TMEFF2: variants seen among roughly 807,000 people sequenced by gnomAD.
TMEFF2 encodes the protein transmembrane protein with EGF like and two follistatin like domains 2, also known as tomoregulin-2.
Under a neutral mutation model 53.8 loss-of-function variants are expected in TMEFF2, and 28 were observed. That is an observed-to-expected ratio of 0.52 (90% confidence interval 0.39 to 0.71). TMEFF2 has a LOEUF of 0.71. Ranked by LOEUF, TMEFF2 falls within the 30% of genes least tolerant of loss-of-function variation. The pLI is 0.00. For missense variants in TMEFF2, 353 were observed against 455.2 expected, an observed-to-expected ratio of 0.78 and a Z score of 2.04; for synonymous variants, 162 against 166.3, an observed-to-expected ratio of 0.97 and a Z score of 0.20.
At chr2:192,136,569 G>T (rs1690012467) in intron 4 of TMEFF2, among the ~76,000 whole-genome samples, 1 of 152,122 alleles carries the variant, frequency 6.6e-6, no homozygotes, top group African/African-American at 2.4e-5. Context: ...CCAAGAGGAG[G>T]AAAGAAATAT....
chr2:192,027,671 G>A (rs1687005542), intron 5 of TMEFF2, among the ~76,000 whole-genome samples: 1 of 152,180 alleles, frequency 6.6e-6, no homozygotes, highest in South Asian at 2.1e-4. Context: ...TGGCTTTACA[G>A]GCATGTGGCC....
rs558830166 is a variant in TMEFF2 at position 191,950,166 on chromosome 2, T to G, written c.*145A>C. 10 of 1,451,790 alleles carry G rather than the reference T, an allele frequency of 6.9e-6. No homozygotes were observed. The African/African-American group carries it at 1.4e-4, about 21-fold the overall frequency. 89.9% of individuals were successfully genotyped at this position (1,451,790 alleles called of 1,614,324 possible). ...AAATATATCCATACATAATCAAATATAGCTGTAGTACATGTTTTCATTGGT... is the reference window on the plus strand; with the variant it reads ...AAATATATCCATACATAATCAAATAGAGCTGTAGTACATGTTTTCATTGGT... On this transcript the variant is annotated 3_prime_UTR_variant, in exon 10 of 10. Coordinates refer to ENST00000272771, the MANE Select transcript of TMEFF2 (RefSeq NM_016192.4).
At chr2:191,982,746 G>A (rs151184984) in intron 7 of TMEFF2, among the ~76,000 whole-genome samples, 98 of 152,068 alleles carry the variant, frequency 6.4e-4, no homozygotes, top group African/African-American at 2.2e-3. Context: ...TTTAAATTTT[G>A]AATGTAATAT....
chr2:191,964,924 A>G (rs1692426904), intron 7 of TMEFF2, among the ~76,000 whole-genome samples: 1 of 152,036 alleles, frequency 6.6e-6, no homozygotes, highest in African/African-American at 2.4e-5. Flanking sequence ...CCATGATACC[A>G]CCCAGTTCTT....
At chr2:192,102,045 G>A (rs2105945391) in intron 4 of TMEFF2, among the ~76,000 whole-genome samples, 1 of 152,208 alleles carries the variant, frequency 6.6e-6, no homozygotes, top group South Asian at 2.1e-4. Context: ...CCATAGATGT[G>A]ATTTAACTTA....
At chr2:192,134,187 C>T (rs1393141865) in intron 4 of TMEFF2, among the ~76,000 whole-genome samples, 1 of 152,238 alleles carries the variant, frequency 6.6e-6, no homozygotes, top group Non-Finnish European at 1.5e-5. Context: ...CATATACTTT[C>T]TGCTCCCTGG....
intron 4 of TMEFF2, among the ~76,000 whole-genome samples, chr2:192,151,780 T>G (rs1690394674): frequency 6.6e-6 from 1 of 151,888 alleles, no homozygotes; most frequent in African/African-American, 2.4e-5. Flanking sequence ...GGAGTTTTAG[T>G]GATGAGATGT....
intron 4 of TMEFF2, among the ~76,000 whole-genome samples, chr2:192,092,005 C>T (rs923884482): frequency 6.6e-6 from 1 of 150,930 alleles, no homozygotes; most frequent in Non-Finnish European, 1.5e-5. Flanking sequence ...CTTTCTTCAT[C>T]AGAAACTTAA....
chr2:192,061,148 A>T (rs970914213), intron 4 of TMEFF2, among the ~76,000 whole-genome samples: 1 of 152,144 alleles, frequency 6.6e-6, no homozygotes, highest in East Asian at 1.9e-4. Flanking sequence ...TCTCACTATC[A>T]TGCTTCCTGT....
At chr2:192,058,481 T>G (rs1687965580) in intron 4 of TMEFF2, among the ~76,000 whole-genome samples, 1 of 152,280 alleles carries the variant, frequency 6.6e-6, no homozygotes, top group South Asian at 2.1e-4. Context: ...TGATTGATAT[T>G]GGTCCTTTTT....
At chr2:192,164,168 T>C (rs1183170682) in intron 4 of TMEFF2, among the ~76,000 whole-genome samples, 4 of 152,146 alleles carry the variant, frequency 2.6e-5, no homozygotes, top group African/African-American at 9.6e-5. Flanking sequence ...AATGAATAAA[T>C]TCCAAATTCC....
At chr2:192,122,134 A>G (rs757028349) in intron 4 of TMEFF2, among the ~76,000 whole-genome samples, 2 of 152,228 alleles carry the variant, frequency 1.3e-5, no homozygotes, top group African/African-American at 2.4e-5. Flanking sequence ...CTTTATAAAC[A>G]TATCAAGGTG....
intron 5 of TMEFF2, among the ~76,000 whole-genome samples, chr2:192,024,875 G>C (rs1574299341): frequency 1.3e-5 from 2 of 152,196 alleles, no homozygotes; most frequent in South Asian, 4.1e-4. Flanking sequence ...TCTTTATGCA[G>C]CAGAGTTTTC....
chr2:192,156,194 A>G (rs1218033959), intron 4 of TMEFF2, among the ~76,000 whole-genome samples: 1 of 152,060 alleles, frequency 6.6e-6, no homozygotes, highest in Admixed American at 6.6e-5. Context: ...TTTTTATTTT[A>G]TCCATTAATT....
intron 4 of TMEFF2, among the ~76,000 whole-genome samples, chr2:192,079,744 G>T (rs1688510707): frequency 6.6e-6 from 1 of 152,018 alleles, no homozygotes; most frequent in Non-Finnish European, 1.5e-5. Context: ...TTTGCTTACT[G>T]GCTTTTTAAG....
intron 4 of TMEFF2, among the ~76,000 whole-genome samples, chr2:192,169,459 T>C (rs1421895438): frequency 1.3e-5 from 2 of 152,142 alleles, no homozygotes; most frequent in Admixed American, 1.3e-4. Flanking sequence ...AGCCAGGAAC[T>C]GAACCAGTTC....
chr2:192,087,171 CT>C (rs1451617396), intron 4 of TMEFF2, among the ~76,000 whole-genome samples: 7 of 151,906 alleles, frequency 4.6e-5, no homozygotes, highest in Non-Finnish European at 8.8e-5. Context: ...AGGGTTTTGT[CT>C]GTTCATTCAG....
rs61068218 is a variant in TMEFF2 at position 192,096,670 on chromosome 2, C to CTGTCTTTTTTTTTTT, written c.440-38896_440-38895insAAAAAAAAAAAGACA. 7.4e-5 allele frequency among the ~76,000 whole-genome samples: 4 copies of CTGTCTTTTTTTTTTT among 53,702 alleles called. 2 individuals carry two copies. The highest frequency in any genetic ancestry group is 5.6e-5 in the Non-Finnish European group (2 of 35,830). The allele number at this position is 53,702 out of a possible 152,430, so 35.2% of individuals were successfully genotyped here. A position where few individuals can be genotyped will look rare whatever the true frequency, so the allele number is the denominator to read the frequency against. On this transcript the variant is annotated intron_variant, in intron 4 of 9. Coordinates refer to ENST00000272771, the MANE Select transcript of TMEFF2 (RefSeq NM_016192.4). The stretch of plus-strand genomic sequence containing the variant: ...CTTCCTTCTCTCTCTCTCTCTCTCT[C>CTGTCTTTTTTTTTTT]TTTTTTTTTTTTTTTTTTTTTTTGA...
chr2:192,011,353 GC>G (rs1686621146), intron 5 of TMEFF2, among the ~76,000 whole-genome samples: 1 of 152,218 alleles, frequency 6.6e-6, no homozygotes, highest in South Asian at 2.1e-4. Context: ...AAAACACTGT[GC>G]TAGGGGTCAG....
Sources: allele counts gnomAD v4.1 joint callset (sites outside exome capture counted in the v4.1 genomes callset), GRCh38; gene constraint gnomAD v4.1.1; transcripts MANE v1.5; gene names NCBI Gene and HGNC (gene_info 2026-07-23, HGNC 2026-07-21).